Variants in OSBPL6 observed in about 807,000 individuals in gnomAD.
OSBPL6 encodes oxysterol-binding protein-related protein 6.
In OSBPL6, 49 loss-of-function variants were observed where a neutral mutation model predicts 125.8. That is an observed-to-expected ratio of 0.39 (90% CI 0.31 to 0.49). OSBPL6 has a LOEUF of 0.49. Ranked by LOEUF, OSBPL6 falls within the 20% of genes least tolerant of loss-of-function variation. The pLI is 0.88. For missense variants in OSBPL6, 986 were observed against 1,135.4 expected (o/e 0.87, Z 1.89); for synonymous variants, 394 against 391.8 (o/e 1.01, Z -0.07).
At chr2:178,279,032 G>A (rs909495759) in intron 1 of OSBPL6, among the ~76,000 whole-genome samples, 11 of 152,098 alleles carry the variant, frequency 7.2e-5, no homozygotes, top group Non-Finnish European at 1.6e-4. Context: ...GATCAAAAGT[G>A]TCTCATTTCT....
intron 1 of OSBPL6, among the ~76,000 whole-genome samples, chr2:178,205,803 T>C (rs1024881710): frequency 2.4e-4 from 37 of 152,214 alleles, no homozygotes; most frequent in Non-Finnish European, 5.9e-5. Flanking sequence ...CCAGAATTGT[T>C]TGTCTAATCC....
At chr2:178,319,110 G>A (rs1262512394) in intron 3 of OSBPL6, among the ~76,000 whole-genome samples, 2 of 152,228 alleles carry the variant, frequency 1.3e-5, no homozygotes, top group African/African-American at 4.8e-5. Context: ...ATGCTGGTCT[G>A]TAGAGCTGCA....
At chr2:178,241,265 C>T (rs545169293) in intron 1 of OSBPL6, among the ~76,000 whole-genome samples, 2 of 151,982 alleles carry the variant, frequency 1.3e-5, no homozygotes, top group African/African-American at 2.4e-5. Context: ...AGGTGCACGC[C>T]ACCACGCCCA....
chr2:178,276,017 G>GAT (rs2092461733), intron 1 of OSBPL6, among the ~76,000 whole-genome samples: 1 of 152,182 alleles, frequency 6.6e-6, no homozygotes, highest in Admixed American at 6.5e-5. Flanking sequence ...AAATGTAATT[G>GAT]AGTTAAGATA....
In OSBPL6 at chr2:178,382,424, CA is replaced by C; in HGVS notation, c.1539del (p.Asp514MetfsTer9). ...LSASSSENEA[S>X]DDESYISDVS... ...GTATGTTCTTCCCTTCCTTAGGCTT[CA>C]GATGATGAGTCTTACATCAGTGATG... On this transcript the variant is annotated frameshift_variant, in exon 16 of 25. Transcript: ENST00000190611. LOFTEE classifies it high-confidence loss of function. 1 of 1,601,494 alleles carries C rather than the reference CA, an allele frequency of 6.2e-7. No homozygotes were observed. The highest frequency in any genetic ancestry group is 8.5e-7 in the Non-Finnish European group (1 of 1,172,764).
At chr2:178,327,303 T>C (rs1688782844) in intron 4 of OSBPL6, among the ~76,000 whole-genome samples, 1 of 152,178 alleles carries the variant, frequency 6.6e-6, no homozygotes, top group South Asian at 2.1e-4. Flanking sequence ...TTCTTCATCA[T>C]CCACATGTAG....
intron 1 of OSBPL6, among the ~76,000 whole-genome samples, chr2:178,248,399 C>CT (rs2091569410): frequency 6.6e-6 from 1 of 152,090 alleles, no homozygotes; most frequent in East Asian, 1.9e-4. Context: ...GTTTGTATGG[C>CT]TTTATCTTTT....
chr2:178,265,515 A>G (rs1033712499), intron 1 of OSBPL6, among the ~76,000 whole-genome samples: 2 of 152,088 alleles, frequency 1.3e-5, no homozygotes, highest in Non-Finnish European at 2.9e-5. Context: ...TGCCAGCTGG[A>G]TGCTTTAATT....
At chr2:178,244,084 C>A (rs1486671382) in intron 1 of OSBPL6, among the ~76,000 whole-genome samples, 1 of 152,166 alleles carries the variant, frequency 6.6e-6, no homozygotes, top group Admixed American at 6.5e-5. Context: ...CTACACCTAC[C>A]ACCACCTCAT....
At chr2:178,305,669 C>T (rs1054564193) in intron 2 of OSBPL6, among the ~76,000 whole-genome samples, 4 of 152,270 alleles carry the variant, frequency 2.6e-5, no homozygotes, top group Non-Finnish European at 4.4e-5. Flanking sequence ...AAACATGGAC[C>T]GAGCTCTTAT....
intron 1 of OSBPL6, among the ~76,000 whole-genome samples, chr2:178,206,870 C>T (rs1046166086): frequency 6.6e-6 from 1 of 152,188 alleles, no homozygotes. Context: ...CCACCTCAGC[C>T]TCCCAAAGTG....
chr2:178,256,787 C>G (rs964813579), intron 1 of OSBPL6, among the ~76,000 whole-genome samples: 3 of 152,172 alleles, frequency 2.0e-5, no homozygotes, highest in African/African-American at 7.2e-5. Context: ...TTATTTAAAA[C>G]AGCATTCTGG....
At chr2:178,260,033 T>C (rs1441936191) in intron 1 of OSBPL6, among the ~76,000 whole-genome samples, 1 of 152,196 alleles carries the variant, frequency 6.6e-6, no homozygotes, top group South Asian at 2.1e-4. Flanking sequence ...GGTAATCTTC[T>C]AATTCTAATA....
At chr2:178,232,103 T>C (rs972829369) in intron 1 of OSBPL6, among the ~76,000 whole-genome samples, 1 of 152,138 alleles carries the variant, frequency 6.6e-6, no homozygotes, top group African/African-American at 2.4e-5. Flanking sequence ...TTAGCCAAAA[T>C]AATATTATAG....
chr2:178,245,836 G>T (rs1254845938), intron 1 of OSBPL6, among the ~76,000 whole-genome samples: 2 of 152,188 alleles, frequency 1.3e-5, no homozygotes, highest in Non-Finnish European at 2.9e-5. Flanking sequence ...GAACTGGCAT[G>T]CAGAGCCATG....
chr2:178,339,013 C>G lies in OSBPL6; in HGVS notation c.813C>G (p.Asn271Lys). 6.2e-7 allele frequency: 1 copy of G among 1,612,764 alleles called. No homozygotes were observed. The highest frequency in any genetic ancestry group is 2.2e-5 in the East Asian group (1 of 44,794). Residue 271 changes from asparagine to lysine, a missense_variant, in exon 10 of 25, where the codon AAC becomes AAG. By Grantham distance (94) the Asn-to-Lys change is moderately conservative (BLOSUM62 0). This residue lies in a region of OSBPL6 where 843 missense variants were observed against 997.3 expected (regional missense o/e 0.85). Transcript: ENST00000190611. Reference protein sequence around the residue: ...CAEDLAHCQSNLVELSKLLQN... With the variant: ...CAEDLAHCQSKLVELSKLLQN... ...TAGATCTTGCACATTGCCAGTCAAA[C>G]CTTGTGGAACTTAGCAAACTCCTGC...
At chr2:178,319,559 T>C (rs1241746107) in intron 3 of OSBPL6, among the ~76,000 whole-genome samples, 3 of 152,242 alleles carry the variant, frequency 2.0e-5, no homozygotes, top group Non-Finnish European at 2.9e-5. Context: ...TCTTAATCTC[T>C]ATATCCCTTT....
At chr2:178,227,493 C>T (rs1003525353) in intron 1 of OSBPL6, among the ~76,000 whole-genome samples, 5 of 152,120 alleles carry the variant, frequency 3.3e-5, no homozygotes, top group African/African-American at 7.2e-5. Flanking sequence ...TCAAGAAATA[C>T]GTCCAGAAAT....
chr2:178,229,348 G>A (rs745951025), intron 1 of OSBPL6, among the ~76,000 whole-genome samples: 1 of 152,110 alleles, frequency 6.6e-6, no homozygotes, highest in Non-Finnish European at 1.5e-5. Context: ...TAATTAAAAT[G>A]AAATAATATA....
Sources: gnomAD v4.1 joint callset for allele counts (sites outside exome capture counted in the v4.1 genomes callset) on GRCh38, gnomAD v4.1.1 for gene constraint, gnomAD v4.1.1 regional missense constraint, MANE v1.5 for transcripts, NCBI Gene and HGNC (gene_info 2026-07-23, HGNC 2026-07-21) for gene names.